ARID5B: variants seen among roughly 807,000 people sequenced by gnomAD.
ARID5B encodes AT-rich interactive domain-containing protein 5B.
A neutral mutation model predicts 97.2 loss-of-function variants in ARID5B; 13 were observed. The ratio of observed to expected loss-of-function variants is 0.13; its 90% CI spans 0.09 to 0.21. ARID5B has a LOEUF of 0.21. Among genes scored for constraint, ARID5B ranks in the 10% least tolerant of loss-of-function variants. The pLI, the probability that ARID5B is intolerant of heterozygous loss-of-function variation, is 1.00. For synonymous variants in ARID5B, 556 were observed against 570.3 expected (o/e 0.97, Z 0.36); for missense variants, 1,210 against 1,465.3 (o/e 0.83, Z 2.84).
chr10:62,048,288 GAC>G (rs1839737821), intron 4 of ARID5B, among the ~76,000 whole-genome samples: 1 of 152,170 alleles, frequency 6.6e-6, no homozygotes, highest in African/African-American at 2.4e-5. Flanking sequence ...GCAGATAAAA[GAC>G]ACATCCCACA....
intron 4 of ARID5B, among the ~76,000 whole-genome samples, chr10:62,037,052 G>A (rs1030946653): frequency 3.9e-5 from 6 of 152,094 alleles, no homozygotes; most frequent in East Asian, 3.8e-4. Context: ...ATGACTCTCC[G>A]GCTCCATATT....
chr10:62,086,396 C>T (rs2132978350), intron 9 of ARID5B, among the ~76,000 whole-genome samples: 2 of 152,098 alleles, frequency 1.3e-5, no homozygotes, highest in Admixed American at 1.3e-4. Context: ...TCAAGAAGAG[C>T]GTGGGCAACA....
intron 4 of ARID5B, among the ~76,000 whole-genome samples, chr10:62,017,133 C>A (rs10995012): frequency 0.072 from 10,984 of 152,208 alleles, 575 homozygotes; most frequent in Admixed American, 0.16. Context: ...CAAATTGTCC[C>A]TTATGTCTAC....
At chr10:61,902,494 T>C in intron 2 of ARID5B, 81 bp downstream of exon 2, 2 of 1,547,850 alleles carry the variant, frequency 1.3e-6, no homozygotes, top group Non-Finnish European at 1.8e-6. Flanking sequence ...AGCTTGAAAA[T>C]ACTGTATTCA....
intron 4 of ARID5B, among the ~76,000 whole-genome samples, chr10:62,024,440 C>T (rs1839394641): frequency 6.6e-6 from 1 of 152,190 alleles, no homozygotes; most frequent in South Asian, 2.1e-4. Context: ...ATTTCAGAAA[C>T]CAGAGTGGAA....
chr10:62,009,846 C>T (rs373902439), intron 4 of ARID5B, among the ~76,000 whole-genome samples: 1 of 152,104 alleles, frequency 6.6e-6, no homozygotes, highest in Non-Finnish European at 1.5e-5. Context: ...TCAGAGGAAG[C>T]CTCTTAGAGG....
At chr10:62,029,718 AAGAGGG>A (rs1212158044) in intron 4 of ARID5B, among the ~76,000 whole-genome samples, 3 of 152,200 alleles carry the variant, frequency 2.0e-5, no homozygotes, top group Non-Finnish European at 4.4e-5. Context: ...TATCCAGTAA[AAGAGGG>A]AGATCACCTC....
rs1215725725 is a variant in ARID5B at position 62,095,942 on chromosome 10, A to C, written c.*2912A>C. 1 of 231,696 alleles carries C rather than the reference A, an allele frequency of 4.3e-6. No individual in the cohort carries two copies. Among genetic ancestry groups the C allele is most frequent in the African/African-American group, 2.2e-5 (1 of 45,256 alleles). 14.4% of individuals were successfully genotyped at this position (231,696 alleles called of 1,614,324 possible). A position where few individuals can be genotyped will look rare whatever the true frequency, so the allele number is the denominator to read the frequency against. ...AAATGTTGCAATTCAAAATGCACTA[A>C]GTCTGTGATTTATTGGAGATTTGGA... On this transcript the variant is annotated 3_prime_UTR_variant, in exon 10 of 10. Coordinates refer to ENST00000279873, the MANE Select transcript of ARID5B (RefSeq NM_032199.3).
intron 7 of ARID5B, among the ~76,000 whole-genome samples, chr10:62,061,238 C>T (rs1839917829): frequency 6.6e-6 from 1 of 152,134 alleles, no homozygotes; most frequent in Non-Finnish European, 1.5e-5. Context: ...AGTACTTACT[C>T]ACGTAGAGAT....
At chr10:61,983,507 T>A (rs2132848025) in intron 3 of ARID5B, among the ~76,000 whole-genome samples, 1 of 152,340 alleles carries the variant, frequency 6.6e-6, no homozygotes, top group African/African-American at 2.4e-5. Context: ...TAAATTGTGC[T>A]TCGCAAATTA....
intron 2 of ARID5B, among the ~76,000 whole-genome samples, chr10:61,929,202 T>G (rs549289794): frequency 5.3e-5 from 8 of 152,352 alleles, no homozygotes; most frequent in Admixed American, 5.2e-4. Context: ...CACAATTTAT[T>G]TAGCTAATAC....
intron 7 of ARID5B, among the ~76,000 whole-genome samples, chr10:62,065,569 G>C (rs1300297123): frequency 1.3e-5 from 2 of 152,138 alleles, no homozygotes; most frequent in East Asian, 3.9e-4. Context: ...AGCCAGGCCA[G>C]GCACGGTGGC....
chr10:62,021,343 G>A (rs907508426), intron 4 of ARID5B, among the ~76,000 whole-genome samples: 1 of 152,052 alleles, frequency 6.6e-6, no homozygotes, highest in Non-Finnish European at 1.5e-5. Flanking sequence ...TAAAACATCT[G>A]GGAATAACTT....
chr10:61,954,051 T>C (rs1838358504), intron 3 of ARID5B, among the ~76,000 whole-genome samples: 1 of 152,160 alleles, frequency 6.6e-6, no homozygotes, highest in African/African-American at 2.4e-5. Flanking sequence ...AAGTTTTTAA[T>C]GTGATTTTTA....
intron 8 of ARID5B, among the ~76,000 whole-genome samples, chr10:62,080,182 T>C (rs891745457): frequency 1.3e-5 from 2 of 152,158 alleles, no homozygotes; most frequent in Admixed American, 1.3e-4. Context: ...TCCTTGCCTG[T>C]TGGGAGGTGA....
intron 3 of ARID5B, among the ~76,000 whole-genome samples, chr10:61,974,970 C>T (rs1056525723): frequency 1.3e-5 from 2 of 148,648 alleles, no homozygotes; most frequent in African/African-American, 2.6e-5. Flanking sequence ...TTTCAGTTTT[C>T]GAAGGAATAA....
In ARID5B at chr10:62,085,863, A is replaced by G. The variant is rs988588958; in HGVS notation, c.1361A>G (p.Glu454Gly). The G allele has an allele frequency of 1.2e-6, 2 of 1,613,660 alleles. No homozygotes were observed. Among genetic ancestry groups the G allele is most frequent in the African/African-American group, 2.7e-5 (2 of 74,850 alleles). ...CATGAAATACCTAAAAGCAAGAAAG[A>G]AAAAGAAAATGCCCCAAAGCCCCAG... is the stretch of plus-strand genomic sequence containing the variant. ...IKHEIPKSKKEKENAPKPQDA... is the reference protein window; with the variant it reads ...IKHEIPKSKKGKENAPKPQDA... The change falls in exon 9 of 10, where the codon GAA (glutamate) becomes GGA (glycine). Residue 454 changes from glutamate (E) to glycine (G), a missense_variant. Coordinates refer to ENST00000279873, the MANE Select transcript of ARID5B (RefSeq NM_032199.3).
At chr10:61,986,857 G>T (rs1242036497) in intron 3 of ARID5B, among the ~76,000 whole-genome samples, 1 of 152,102 alleles carries the variant, frequency 6.6e-6, no homozygotes, top group Non-Finnish European at 1.5e-5. Flanking sequence ...TGACTACTTT[G>T]CATCTTTTAA....
intron 4 of ARID5B, among the ~76,000 whole-genome samples, chr10:62,026,821 T>G (rs1839427070): frequency 6.6e-6 from 1 of 152,174 alleles, no homozygotes; most frequent in Non-Finnish European, 1.5e-5. Context: ...GACCCAAAGA[T>G]GCACCTAGTT....
Sources: gnomAD v4.1 joint callset for allele counts (sites outside exome capture counted in the v4.1 genomes callset) on GRCh38, gnomAD v4.1.1 for gene constraint, MANE v1.5 for transcripts, NCBI Gene and HGNC (gene_info 2026-07-23, HGNC 2026-07-21) for gene names.